Variants in WDR5 observed in about 807,000 individuals in gnomAD.
WDR5 encodes WD repeat domain 5.
For missense variants in WDR5, 187 were observed against 416.9 expected (o/e 0.45, Z 4.80); for synonymous variants, 144 against 161.6 (o/e 0.89, Z 0.83).
chr9:134,146,084 C>T (rs1382617133), intron 7 of WDR5, among the ~76,000 whole-genome samples: 2 of 152,054 alleles, frequency 1.3e-5, no homozygotes, highest in East Asian at 3.9e-4. Flanking sequence ...CCTGCCTCAG[C>T]CTCCTGAGTA....
intron 8 of WDR5, among the ~76,000 whole-genome samples, chr9:134,151,218 T>C (rs1245053040): frequency 6.6e-6 from 1 of 152,048 alleles, no homozygotes; most frequent in Non-Finnish European, 1.5e-5. Flanking sequence ...TCCAGTGTGG[T>C]CTCGTCCCTG....
intron 1 of WDR5, among the ~76,000 whole-genome samples, chr9:134,137,453 C>A (rs540398776): frequency 6.6e-6 from 1 of 151,974 alleles, no homozygotes; most frequent in Non-Finnish European, 1.5e-5. Context: ...GAGGCTGAGG[C>A]GGGCGGATTG....
rs34031108 is a variant in WDR5 at position 134,159,259 on chromosome 9, G to A, written c.*1266G>A. On this transcript the variant is annotated 3_prime_UTR_variant, in exon 14 of 14. Coordinates refer to ENST00000358625, the MANE Select transcript of WDR5 (RefSeq NM_017588.3). This position sits in a 1 kb window ranked among gnomAD's most constrained non-coding sequence, Gnocchi z 4.3. Reference sequence around the variant, plus strand: ...GAGGGTTGCCACACACAGTGAGGGCGGAGCAGGGTGGCTGAGGGCACAGGT... The same window carrying A: ...GAGGGTTGCCACACACAGTGAGGGCAGAGCAGGGTGGCTGAGGGCACAGGT... 0.077 allele frequency: 11,779 copies of A among 152,584 alleles called. 938 individuals carry two copies. The highest frequency in any genetic ancestry group is 0.21 in the African/African-American group (8,536 of 41,502). 9.5% of individuals were successfully genotyped at this position (152,584 alleles called of 1,614,324 possible). A position where few individuals can be genotyped will look rare whatever the true frequency, so the allele number is the denominator to read the frequency against.
At chr9:134,156,995 A>AC (rs770410056) in intron 13 of WDR5, among the ~76,000 whole-genome samples, 3 of 151,466 alleles carry the variant, frequency 2.0e-5, no homozygotes, top group Non-Finnish European at 2.9e-5. Context: ...TCCCAGAGAG[A>AC]CCCCCCAGCT....
chr9:134,146,125 C>T (rs796910595), intron 7 of WDR5, among the ~76,000 whole-genome samples: 14 of 151,374 alleles, frequency 9.2e-5, no homozygotes, highest in African/African-American at 3.4e-4. Context: ...CCACCATGCC[C>T]GGCTAATTTT....
In WDR5 at chr9:134,154,541, A is replaced by G. The variant is rs1438336712; in HGVS notation, c.707A>G (p.Asn236Ser). The part of the protein sequence containing the change: ...GKYILAATLD[N>S]TLKLWDYSKG... Reference sequence around the variant, plus strand: ...TACATCCTGGCCGCCACGCTGGACAAGTGAGTACTGCGTGGGACTGTGGGG... The same window carrying G: ...TACATCCTGGCCGCCACGCTGGACAGGTGAGTACTGCGTGGGACTGTGGGG... Residue 236 changes from asparagine (N) to serine (S), a missense_variant and splice_region_variant, in exon 10 of 14, where the codon AAC becomes AGC. By Grantham distance (46) the Asn-to-Ser change is conservative. Transcript: ENST00000358625. 2 of 1,613,970 alleles carry G rather than the reference A, an allele frequency of 1.2e-6. No homozygotes were observed. Among genetic ancestry groups the G allele is most frequent in the African/African-American group, 1.3e-5 (1 of 74,932 alleles).
Position 134,157,857 on chromosome 9 carries a change from G to C in WDR5, c.905-36G>C. ...GATGGCGTCCCCGACCCAGGCGCAGGGATGGCTCTGGTTCTGACTGTGTCT... is the reference window on the plus strand; with the variant it reads ...GATGGCGTCCCCGACCCAGGCGCAGCGATGGCTCTGGTTCTGACTGTGTCT... On this transcript the variant is annotated intron_variant, in intron 13 of 13. Transcript: ENST00000358625. The surrounding 1 kb of genome is among the most constrained non-coding windows in gnomAD (Gnocchi z 5.0). 1.2e-6 allele frequency: 2 copies of C among 1,605,402 alleles called. No homozygotes were observed. The highest frequency in any genetic ancestry group is 8.5e-7 in the Non-Finnish European group (1 of 1,172,258).
intron 1 of WDR5, among the ~76,000 whole-genome samples, chr9:134,138,335 C>CTCTGG (rs1564186777): frequency 6.6e-6 from 1 of 151,728 alleles, no homozygotes; most frequent in African/African-American, 2.4e-5. Flanking sequence ...TCAGCTCTGG[C>CTCTGG]CCTGGCCTGG....
intron 8 of WDR5, among the ~76,000 whole-genome samples, chr9:134,151,049 C>T (rs28620240): frequency 0.05 from 7,639 of 152,196 alleles, 440 homozygotes; most frequent in African/African-American, 0.14. Context: ...GAGGCGGCTC[C>T]GGAGAGGCCC....
At chr9:134,150,767 G>A (rs574096967) in intron 8 of WDR5, among the ~76,000 whole-genome samples, 2 of 152,150 alleles carry the variant, frequency 1.3e-5, no homozygotes, top group African/African-American at 2.4e-5. Flanking sequence ...ACCAGAACCC[G>A]TGTCAGCTCT....
intron 1 of WDR5, among the ~76,000 whole-genome samples, chr9:134,136,816 G>T (rs1015652476): frequency 6.6e-6 from 1 of 152,180 alleles, no homozygotes; most frequent in Non-Finnish European, 1.5e-5. Flanking sequence ...AGGTCGGCCT[G>T]TTACATCGCT....
chr9:134,154,692 TA>T, intron 10 of WDR5, 151 bp downstream of exon 10: 1 of 847,900 alleles, frequency 1.2e-6, no homozygotes, highest in Non-Finnish European at 1.9e-6. Context: ...AGTGGCCTGT[TA>T]GGTCGGAGGG....
In WDR5 at chr9:134,157,695, G is replaced by A. The variant is rs1832811637; in HGVS notation, c.905-198G>A. On this transcript the variant is annotated intron_variant, in intron 13 of 13. Coordinates refer to ENST00000358625, the MANE Select transcript of WDR5 (RefSeq NM_017588.3). The surrounding 1 kb of genome is among the most constrained non-coding windows in gnomAD (Gnocchi z 5.0). ...TCCCCCAACCGGCTGTGTCGCCCTG[G>A]TACCGGCTGCTGTCCCCTCGCTCCC... Among the ~76,000 whole-genome samples, 1 of 152,076 alleles carries A rather than the reference G, an allele frequency of 6.6e-6. No homozygotes were observed. The highest frequency in any genetic ancestry group is 1.5e-5 in the Non-Finnish European group (1 of 68,016).
At chr9:134,140,862 G>A (rs919128194) in intron 3 of WDR5, 51 bp downstream of exon 3, 3 of 1,562,538 alleles carry the variant, frequency 1.9e-6, no homozygotes, top group Non-Finnish European at 2.6e-6. Flanking sequence ...CTGAGCTGCA[G>A]ACAAAAAGCT....
intron 7 of WDR5, among the ~76,000 whole-genome samples, chr9:134,144,616 G>T (rs967852448): frequency 6.6e-6 from 1 of 152,048 alleles, no homozygotes. Flanking sequence ...GAGGCAGGAG[G>T]ATCCCATGAG....
intron 8 of WDR5, 86 bp from the exon 9 acceptor site, chr9:134,151,897 G>A: frequency 7.3e-7 from 1 of 1,365,448 alleles, no homozygotes; most frequent in Non-Finnish European, 1.0e-6. Context: ...AAGCGTGCTA[G>A]TCCTAAAATT....
rs2132602548 is a variant in WDR5, at chr9:134,159,602, C to G, written c.*1609C>G. 6.6e-6 allele frequency: 1 copy of G among 152,200 alleles called. No individual in the cohort carries two copies. The highest frequency in any genetic ancestry group is 6.5e-5 in the Admixed American group (1 of 15,298). 9.4% of individuals were successfully genotyped at this position (152,200 alleles called of 1,614,324 possible). ...TCTGGAGATGTATATCCTGTGGTTT[C>G]CCCTGCCCCTCTGTTTCCGATGAGG... On this transcript the variant is annotated 3_prime_UTR_variant, in exon 14 of 14. Transcript: ENST00000358625. The surrounding 1 kb of genome is among the most constrained non-coding windows in gnomAD (Gnocchi z 4.3).
chr9:134,154,260 G>A (rs189257974), intron 9 of WDR5, among the ~76,000 whole-genome samples: 1 of 152,158 alleles, frequency 6.6e-6, no homozygotes, highest in Non-Finnish European at 1.5e-5. Flanking sequence ...CCGGGCCTAT[G>A]GGCTTGAGGT....
chr9:134,142,633 C>T lies in WDR5; in HGVS notation c.445-3C>T, dbSNP rs1025302418. On this transcript the variant is annotated splice_polypyrimidine_tract_variant and splice_region_variant and intron_variant, in intron 6 of 13. Transcript: ENST00000358625. ...AAATCACTGTCATCTCTTTTGTGTT[C>T]AGTTTGACGAAAGCGTGAGGATATG... 1.2e-6 allele frequency: 2 copies of T among 1,614,140 alleles called. No homozygotes were observed. Among genetic ancestry groups the T allele is most frequent in the Admixed American group, 3.3e-5 (2 of 60,020 alleles).
Sources: gnomAD v4.1 joint callset for allele counts (sites outside exome capture counted in the v4.1 genomes callset) on GRCh38, gnomAD v4.1.1 for gene constraint, Gnocchi (gnomAD v3.1) non-coding constraint, MANE v1.5 for transcripts, NCBI Gene and HGNC (gene_info 2026-07-23, HGNC 2026-07-21) for gene names.